The following PLEKHG4B variants were observed in gnomAD, a reference collection of about 807,000 sequenced individuals.
PLEKHG4B encodes the protein pleckstrin homology domain-containing family G member 4B.
Under a neutral mutation model 121.3 loss-of-function variants are expected in PLEKHG4B, and 111 were observed. That is an observed-to-expected ratio of 0.92 (90% CI 0.78 to 1.07). The LOEUF (loss-of-function observed/expected upper bound fraction) is 1.07, where lower values mean the gene tolerates loss of function less well. Among genes scored for constraint, PLEKHG4B ranks in the 50% least tolerant of loss-of-function variants. The probability of loss-of-function intolerance (pLI) is 0.00; values close to 1 mark genes in which losing one functional copy is unlikely to be tolerated. For missense variants in PLEKHG4B, 1,831 were observed against 1,757.8 expected, an observed-to-expected ratio of 1.04 and a Z score of -0.74; for synonymous variants, 738 against 725.0, an observed-to-expected ratio of 1.02 and a Z score of -0.29.
chr5:143,332 C>A (rs747498164), intron 4 of PLEKHG4B, 48 bp from the exon 5 acceptor site: 23 of 1,607,798 alleles, frequency 1.4e-5, no homozygotes, highest in Non-Finnish European at 1.6e-5. Flanking sequence ...AGCTCACCAC[C>A]TTGTAGGAGT....
chr5:107,829 C>T (rs192806327), intron 1 of PLEKHG4B, among the ~76,000 whole-genome samples: 1 of 152,318 alleles, frequency 6.6e-6, no homozygotes, highest in East Asian at 1.9e-4. Context: ...CACCACCTGG[C>T]CCACTAGCTC....
chr5:122,610 G>T (rs1734502227), intron 2 of PLEKHG4B, among the ~76,000 whole-genome samples: 1 of 151,876 alleles, frequency 6.6e-6, no homozygotes, highest in Non-Finnish European at 1.5e-5. Flanking sequence ...TAGTAGAGAT[G>T]GGGTTTCACC....
In PLEKHG4B at chr5:159,552, A is replaced by C. The variant is rs566040528; in HGVS notation, c.2488-2231A>C. Among the ~76,000 whole-genome samples the C allele has an allele frequency of 6.6e-6, 1 of 151,800 alleles. No homozygotes were observed. Among genetic ancestry groups the C allele is most frequent in the Admixed American group, 6.6e-5 (1 of 15,266 alleles). On this transcript the variant is annotated intron_variant, in intron 11 of 19. Transcript: ENST00000637938. This position sits in a 1 kb window ranked among gnomAD's most constrained non-coding sequence, Gnocchi z 5.5. ...GTTTCTGCTCTTGCTTTTTAACTCC[A>C]TGGGCTTATTTTCTGAACAGTCCCC...
Position 148,580 on chromosome 5 carries a change from C to T in PLEKHG4B, c.1906-2933C>T, listed in dbSNP as rs138489419. On this transcript the variant is annotated intron_variant, in intron 6 of 19. Transcript: ENST00000637938. ...GACAGCTGAAAGAAATTAAAGAAGA[C>T]ATAAATAGAAAGATATCTCATGTTC... 2.7e-3 allele frequency among the ~76,000 whole-genome samples: 418 copies of T among 152,198 alleles called. 4 individuals are homozygous for T. Among genetic ancestry groups the T allele is most frequent in the African/African-American group, 9.5e-3 (395 of 41,536 alleles).
At chr5:160,701 T>C (rs1735969499) in intron 11 of PLEKHG4B, among the ~76,000 whole-genome samples, 2 of 152,210 alleles carry the variant, frequency 1.3e-5, no homozygotes, top group South Asian at 4.1e-4. Context: ...CCTTAAGTTA[T>C]AGAATTATTA....
Position 168,451 on chromosome 5 carries a change from C to A in PLEKHG4B, c.3477-889C>A, listed in dbSNP as rs771651614. On this transcript the variant is annotated intron_variant, in intron 13 of 19. Coordinates refer to ENST00000637938, the MANE Select transcript of PLEKHG4B (RefSeq NM_052909.5). Reference sequence around the variant, plus strand: ...GGGTCAGGAGTAACTACCATGGAAGCTGACCCTCGAGAAAACCTCCTGGTC... The same window carrying A: ...GGGTCAGGAGTAACTACCATGGAAGATGACCCTCGAGAAAACCTCCTGGTC... Among the ~76,000 whole-genome samples, 39 of 152,188 alleles carry A rather than the reference C, an allele frequency of 2.6e-4. 1 individual carries two copies. The highest frequency in any genetic ancestry group is 1.0e-3 in the Admixed American group (16 of 15,278).
chr5:142,297 C>T (rs947620484), intron 3 of PLEKHG4B, among the ~76,000 whole-genome samples: 2 of 152,176 alleles, frequency 1.3e-5, no homozygotes, highest in African/African-American at 4.8e-5. Flanking sequence ...TGCAGCACCC[C>T]TCGCAGTCAC....
At position 107,478 on chromosome 5, in the gene PLEKHG4B, T is replaced by C. The variant is rs576124702; in HGVS notation, c.46-5773T>C. 3.3e-5 allele frequency among the ~76,000 whole-genome samples: 5 copies of C among 152,324 alleles called. No individual in the cohort carries two copies. In the South Asian group the frequency reaches 8.3e-4, roughly 25 times the overall value. ...AGAAGGGGCTGCTAGGCCTGAAGGTTCACCTGGGAGAGTCTTGGGTGCTCC... is the reference window on the plus strand; with the variant it reads ...AGAAGGGGCTGCTAGGCCTGAAGGTCCACCTGGGAGAGTCTTGGGTGCTCC... On this transcript the variant is annotated intron_variant, in intron 1 of 19. Coordinates refer to ENST00000637938, the MANE Select transcript of PLEKHG4B (RefSeq NM_052909.5).
chr5:166,903 G>A (rs569061501), intron 13 of PLEKHG4B, among the ~76,000 whole-genome samples: 14 of 152,282 alleles, frequency 9.2e-5, no homozygotes, highest in African/African-American at 2.9e-4. Flanking sequence ...AGTGATCCAG[G>A]GTGTATCTGC....
intron 1 of PLEKHG4B, among the ~76,000 whole-genome samples, chr5:98,510 C>T (rs1404647633): frequency 7.6e-6 from 1 of 131,262 alleles, no homozygotes; most frequent in Non-Finnish European, 1.6e-5. Context: ...TCTTGGCTCA[C>T]TGCAAATTCT....
chr5:134,391 G>A (rs544408896), intron 2 of PLEKHG4B, among the ~76,000 whole-genome samples: 49 of 151,664 alleles, frequency 3.2e-4, no homozygotes, highest in Non-Finnish European at 6.2e-4. Context: ...TGATGGGTGC[G>A]CCAAAATCTC....
At position 113,317 on chromosome 5, in the gene PLEKHG4B, A is replaced by G; in HGVS notation, c.112A>G (p.Thr38Ala). The change falls in exon 2 of 20, where the codon ACG (threonine) becomes GCG (alanine). Residue 38 changes from threonine to alanine, a missense_variant. Transcript: ENST00000637938. The surrounding 1 kb of genome is among the most constrained non-coding windows in gnomAD (Gnocchi z 5.2). ...LSALYPPFEA[T>A]AATVLWQLFS... ...TGCCTTGTACCCACCGTTTGAAGCC[A>G]CGGCAGCCACGGTGCTCTGGCAGCT... is the stretch of plus-strand genomic sequence containing the variant. 2.5e-6 allele frequency: 1 copy of G among 399,084 alleles called. No individual in the cohort carries two copies. The highest frequency in any genetic ancestry group is 4.4e-6 in the Non-Finnish European group (1 of 226,104). The allele number at this position is 399,084 out of a possible 1,614,324, so 24.7% of individuals were successfully genotyped here.
chr5:178,300 A>G (rs1736824849), intron 18 of PLEKHG4B, among the ~76,000 whole-genome samples: 3 of 152,216 alleles, frequency 2.0e-5, no homozygotes, highest in Admixed American at 6.5e-5. Context: ...ATGCCGAGCC[A>G]TCACCCGACA....
At chr5:119,827 G>C (rs1734416270) in intron 2 of PLEKHG4B, among the ~76,000 whole-genome samples, 1 of 152,202 alleles carries the variant, frequency 6.6e-6, no homozygotes, top group Non-Finnish European at 1.5e-5. Context: ...TGACAGATTA[G>C]AATCTGAAGG....
rs1735276376 is a variant in PLEKHG4B, at chr5:143,037, C to T, written c.1478-10C>T. The T allele has an allele frequency of 1.2e-6, 2 of 1,612,298 alleles. No homozygotes were observed. Among genetic ancestry groups the T allele is most frequent in the Admixed American group, 1.7e-5 (1 of 59,980 alleles). On this transcript the variant is annotated splice_polypyrimidine_tract_variant and intron_variant, in intron 3 of 19. Transcript: ENST00000637938. ...CTTCATCTTTGACACGGCCTCTTTCCTTTGTCCAGACGTTCTTGCATCCTC... is the reference window on the plus strand; with the variant it reads ...CTTCATCTTTGACACGGCCTCTTTCTTTTGTCCAGACGTTCTTGCATCCTC...
At position 181,613 on chromosome 5, in the gene PLEKHG4B, AC is replaced by A. The variant is rs766496148; in HGVS notation, c.4504del (p.Arg1502GlyfsTer7). ...ACCCCTGACTGTGCAGTGATAAGCG[AC>A]CGGGCTCCCAAATGTGCAGTGATGA... Reference protein sequence around the residue: ...DRTPDCAVISDRAPKCAVMSD... With the variant: ...DRTPDCAVISXRAPKCAVMSD... On this transcript the variant is annotated frameshift_variant, in exon 19 of 20. Transcript: ENST00000637938. LOFTEE classifies it high-confidence loss of function. 2 of 1,613,908 alleles carry A rather than the reference AC, an allele frequency of 1.2e-6. No individual in the cohort carries two copies. Among genetic ancestry groups the A allele is most frequent in the South Asian group, 2.2e-5 (2 of 91,066 alleles).
chr5:176,609 C>T (rs1174221102), intron 18 of PLEKHG4B, among the ~76,000 whole-genome samples: 1 of 152,184 alleles, frequency 6.6e-6, no homozygotes, highest in East Asian at 1.9e-4. Context: ...AGGAAGATTG[C>T]TTTAACATTC....
chr5:180,708 G>T (rs1425431783), intron 18 of PLEKHG4B, among the ~76,000 whole-genome samples: 1 of 152,238 alleles, frequency 6.6e-6, no homozygotes, highest in Non-Finnish European at 1.5e-5. Context: ...CACGTGCACA[G>T]CTCTAACCCT....
chr5:93,061 ACTC>A (rs1733520470), intron 1 of PLEKHG4B, among the ~76,000 whole-genome samples: 1 of 151,924 alleles, frequency 6.6e-6, no homozygotes, highest in East Asian at 1.9e-4. Flanking sequence ...ATTACACTCT[ACTC>A]CTGTTACCCA....
Sources: gnomAD v4.1 joint callset for allele counts (sites outside exome capture counted in the v4.1 genomes callset) on GRCh38, gnomAD v4.1.1 for gene constraint, Gnocchi (gnomAD v3.1) non-coding constraint, MANE v1.5 for transcripts, NCBI Gene and HGNC (gene_info 2026-07-23, HGNC 2026-07-21) for gene names.